Variants in GRIK2 observed in about 807,000 individuals in gnomAD.
The protein encoded by GRIK2 is glutamate receptor ionotropic, kainate 2.
A neutral mutation model predicts 100.3 loss-of-function variants in GRIK2; 32 were observed. The ratio of observed to expected loss-of-function variants is 0.32; its 90% confidence interval spans 0.24 to 0.43. The LOEUF is 0.43. GRIK2 is among the 20% of genes least tolerant of loss of function. The pLI is 1.00. For synonymous variants in GRIK2, 417 were observed against 389.4 expected (o/e 1.07, Z -0.83); for missense variants, 843 against 1,114.9 (o/e 0.76, Z 3.47).
At chr6:101,816,095 A>G (rs1379202103) in intron 9 of GRIK2, among the ~76,000 whole-genome samples, 1 of 152,164 alleles carries the variant, frequency 6.6e-6, no homozygotes, top group African/African-American at 2.4e-5. Context: ...GTGAAATGGG[A>G]AATTCTTTGT....
intron 15 of GRIK2, among the ~76,000 whole-genome samples, chr6:102,036,869 A>G (rs1241039262): frequency 2.0e-5 from 3 of 151,350 alleles, no homozygotes; most frequent in Non-Finnish European, 3.0e-5. Flanking sequence ...AATTACATCA[A>G]TGTACTTTTT....
intron 14 of GRIK2, among the ~76,000 whole-genome samples, chr6:102,022,143 TACAC>T (rs3995831): frequency 7.1e-4 from 95 of 133,192 alleles, no homozygotes; most frequent in South Asian, 3.6e-3. Context: ...AACACACACA[TACAC>T]ACACACACAC....
At chr6:101,942,340 G>C (rs1273351266) in intron 14 of GRIK2, among the ~76,000 whole-genome samples, 1 of 152,150 alleles carries the variant, frequency 6.6e-6, no homozygotes, top group Non-Finnish European at 1.5e-5. Context: ...TTGGTACCAG[G>C]AGAGTAGGGG....
At chr6:101,583,988 CAT>C (rs1331036613) in intron 2 of GRIK2, among the ~76,000 whole-genome samples, 2 of 152,040 alleles carry the variant, frequency 1.3e-5, no homozygotes, top group Non-Finnish European at 2.9e-5. Flanking sequence ...TTCTTTATAT[CAT>C]ATACCATCTG....
At chr6:102,033,621 C>A (rs559385685) in intron 14 of GRIK2, among the ~76,000 whole-genome samples, 2 of 151,290 alleles carry the variant, frequency 1.3e-5, no homozygotes, top group African/African-American at 4.8e-5. Context: ...TGGTAGGTGA[C>A]CAGCAGATAA....
At chr6:101,469,893 T>C (rs1771854559) in intron 2 of GRIK2, among the ~76,000 whole-genome samples, 1 of 152,158 alleles carries the variant, frequency 6.6e-6, no homozygotes, top group African/African-American at 2.4e-5. Context: ...GGGTCCTCTC[T>C]GTTGTGGAAA....
At chr6:101,892,245 A>C (rs2128458360) in intron 12 of GRIK2, among the ~76,000 whole-genome samples, 1 of 152,294 alleles carries the variant, frequency 6.6e-6, no homozygotes, top group Admixed American at 6.5e-5. Flanking sequence ...TAGGAAATTT[A>C]GTTATTCCTA....
At chr6:101,569,005 G>A (rs9498624) in intron 2 of GRIK2, among the ~76,000 whole-genome samples, 13,369 of 151,932 alleles carry the variant, frequency 0.088, 1,575 homozygotes, top group African/African-American at 0.27. Context: ...ACAAAGACAA[G>A]GACCCTCCAT....
chr6:102,018,751 C>A (rs899852874), intron 14 of GRIK2, among the ~76,000 whole-genome samples: 7 of 152,016 alleles, frequency 4.6e-5, no homozygotes, highest in African/African-American at 1.4e-4. Context: ...AATTTGTTTA[C>A]CTTTTTACTT....
At chr6:101,870,521 G>C (rs1785343624) in intron 11 of GRIK2, among the ~76,000 whole-genome samples, 2 of 151,664 alleles carry the variant, frequency 1.3e-5, no homozygotes, top group Admixed American at 6.6e-5. Context: ...TGATTTTCTT[G>C]GTATCTTTCA....
intron 7 of GRIK2, among the ~76,000 whole-genome samples, chr6:101,730,352 G>A (rs9485533): frequency 0.015 from 2,245 of 152,004 alleles, 61 homozygotes; most frequent in African/African-American, 0.052. Context: ...TATAAAACCT[G>A]CTCCAGTCCT....
intron 7 of GRIK2, among the ~76,000 whole-genome samples, chr6:101,794,896 C>G (rs1343411314): frequency 6.9e-6 from 1 of 145,844 alleles, no homozygotes; most frequent in Non-Finnish European, 1.5e-5. Flanking sequence ...GACGGAGTCT[C>G]ACTTTGTCAC....
intron 7 of GRIK2, among the ~76,000 whole-genome samples, chr6:101,709,728 C>A (rs575480501): frequency 2.0e-5 from 3 of 151,814 alleles, no homozygotes; most frequent in South Asian, 2.1e-4. Context: ...CTGGGCTTTG[C>A]GCGGGGTAGG....
intron 2 of GRIK2, among the ~76,000 whole-genome samples, chr6:101,404,742 A>G (rs1186364346): frequency 6.6e-6 from 1 of 152,218 alleles, no homozygotes; most frequent in Non-Finnish European, 1.5e-5. Flanking sequence ...GTTTAGCTTC[A>G]AAGGGCTTTC....
intron 7 of GRIK2, among the ~76,000 whole-genome samples, chr6:101,779,877 CTA>C (rs371522416): frequency 6.6e-6 from 1 of 151,598 alleles, no homozygotes; most frequent in Non-Finnish European, 1.5e-5. Context: ...ATCTCTCTCT[CTA>C]TATATATATA....
chr6:101,946,960 A>G (rs566578811), intron 14 of GRIK2, among the ~76,000 whole-genome samples: 1 of 152,294 alleles, frequency 6.6e-6, no homozygotes, highest in East Asian at 1.9e-4. Flanking sequence ...CTAGATGATT[A>G]CAGTTCAAAA....
At chr6:102,013,815 G>T (rs1017517177) in intron 14 of GRIK2, among the ~76,000 whole-genome samples, 1 of 152,044 alleles carries the variant, frequency 6.6e-6, no homozygotes, top group African/African-American at 2.4e-5. Flanking sequence ...TTGATGTGCT[G>T]CTAGATTCAA....
At chr6:101,726,895 C>A (rs1269761492) in intron 7 of GRIK2, among the ~76,000 whole-genome samples, 1 of 151,894 alleles carries the variant, frequency 6.6e-6, no homozygotes, top group Non-Finnish European at 1.5e-5. Context: ...TGAAAGCAGA[C>A]AAAGTGATAC....
chr6:101,416,924 A>G (rs1776166891), intron 2 of GRIK2, among the ~76,000 whole-genome samples: 1 of 152,190 alleles, frequency 6.6e-6, no homozygotes. Flanking sequence ...CCTGCTCAGA[A>G]AAAAGGAAGT....
Sources: gnomAD v4.1 joint callset for allele counts (sites outside exome capture counted in the v4.1 genomes callset) on GRCh38, gnomAD v4.1.1 for gene constraint, MANE v1.5 for transcripts, NCBI Gene and HGNC (gene_info 2026-07-23, HGNC 2026-07-21) for gene names.